Variants in NELL2 observed in about 807,000 individuals in gnomAD.
The protein encoded by NELL2 is neural EGFL like 2.
Under a neutral mutation model 109.6 loss-of-function variants are expected in NELL2, and 41 were observed. The ratio of observed to expected loss-of-function variants is 0.37; its 90% confidence interval spans 0.29 to 0.49. The LOEUF is 0.49. Among genes scored for constraint, NELL2 ranks in the 20% least tolerant of loss-of-function variants. NELL2 has a pLI of 0.98. For synonymous variants in NELL2, 355 were observed against 344.7 expected (o/e 1.03, Z -0.33); for missense variants, 900 against 1,008.3 (o/e 0.89, Z 1.45).
intron 15 of NELL2, among the ~76,000 whole-genome samples, chr12:44,603,160 C>T (rs925585382): frequency 1.3e-5 from 2 of 152,006 alleles, no homozygotes; most frequent in Non-Finnish European, 2.9e-5. Flanking sequence ...TAATTAAAAT[C>T]TCATCTTATG....
At chr12:44,621,134 C>T (rs1028009294) in intron 13 of NELL2, among the ~76,000 whole-genome samples, 3 of 152,214 alleles carry the variant, frequency 2.0e-5, no homozygotes, top group Non-Finnish European at 2.9e-5. Flanking sequence ...ATGTCTTTCA[C>T]GTGTGCCTCC....
At chr12:44,918,821 G>A (rs268038), upstream of NELL2, among the ~76,000 whole-genome samples, 3,686 of 152,092 alleles carry the variant, frequency 0.024, 162 homozygotes, top group African/African-American at 0.084. Flanking sequence ...GTCCTTATTT[G>A]ATAGACAGTA....
intron 12 of NELL2, among the ~76,000 whole-genome samples, chr12:44,676,401 A>G (rs1948319024): frequency 6.6e-6 from 1 of 152,168 alleles, no homozygotes; most frequent in Non-Finnish European, 1.5e-5. Context: ...ATCATTTACA[A>G]ATAAGCTAAC....
At chr12:44,659,263 T>C (rs1409432093) in intron 13 of NELL2, among the ~76,000 whole-genome samples, 1 of 152,088 alleles carries the variant, frequency 6.6e-6, no homozygotes, top group Non-Finnish European at 1.5e-5. Context: ...ACCTAGGCAA[T>C]ACCATTCAGG....
chr12:44,754,463 A>G (rs574680857), intron 9 of NELL2, among the ~76,000 whole-genome samples: 2 of 152,324 alleles, frequency 1.3e-5, no homozygotes, highest in South Asian at 4.1e-4. Flanking sequence ...ATTCAGATAA[A>G]TGCCAAGTAT....
intron 9 of NELL2, among the ~76,000 whole-genome samples, chr12:44,742,199 G>C (rs143040505): frequency 0.026 from 4,027 of 152,244 alleles, 177 homozygotes; most frequent in African/African-American, 0.091. Context: ...CAGGCAAACA[G>C]GGTCTGGAGT....
intron 12 of NELL2, among the ~76,000 whole-genome samples, chr12:44,669,192 A>G (rs895980700): frequency 1.3e-5 from 2 of 152,220 alleles, no homozygotes; most frequent in African/African-American, 2.4e-5. Context: ...CCCAGAATCA[A>G]AGCAAAAGCA....
Position 44,559,087 on chromosome 12 carries a change from G to A in NELL2, c.1664-26366C>T, listed in dbSNP as rs189280878. Among the ~76,000 whole-genome samples, 12 of 152,232 alleles carry A rather than the reference G, an allele frequency of 7.9e-5. No individual in the cohort carries two copies. The East Asian group carries it at 2.1e-3, about 27-fold the overall frequency. On this transcript the variant is annotated intron_variant, in intron 15 of 19. Transcript: ENST00000429094. ...ATTATCTAGCCAAACTAAGCTTCAT[G>A]AGTGAAGGAGAAATAAAATCCTTTA...
intron 1 of NELL2, among the ~76,000 whole-genome samples, chr12:44,896,485 G>T (rs1476817065): frequency 1.3e-5 from 2 of 152,116 alleles, no homozygotes; most frequent in African/African-American, 4.8e-5. Flanking sequence ...CGTGACCGAG[G>T]TGTACACAGG....
intron 13 of NELL2, among the ~76,000 whole-genome samples, chr12:44,635,105 C>A (rs1306298470): frequency 6.6e-6 from 1 of 152,010 alleles, no homozygotes; most frequent in Non-Finnish European, 1.5e-5. Flanking sequence ...TATTCGTATC[C>A]TTTGCCCACT....
At chr12:44,586,486 G>A (rs911584598) in intron 15 of NELL2, among the ~76,000 whole-genome samples, 2 of 151,776 alleles carry the variant, frequency 1.3e-5, no homozygotes, top group African/African-American at 4.8e-5. Context: ...CAAGGCCTCT[G>A]CTCAGAATAA....
At chr12:44,523,699 G>C in intron 16 of NELL2, 1 of 554,056 alleles carries the variant, frequency 1.8e-6, no homozygotes, top group Non-Finnish European at 3.2e-6. Flanking sequence ...AAAAAATCAG[G>C]TAACCTTGGC....
intron 9 of NELL2, among the ~76,000 whole-genome samples, chr12:44,773,250 C>T (rs1333279385): frequency 1.3e-5 from 2 of 152,006 alleles, no homozygotes; most frequent in African/African-American, 4.8e-5. Flanking sequence ...CTGAGGCGGG[C>T]GGATCACGAG....
At chr12:44,850,305 C>A (rs547784595) in intron 2 of NELL2, among the ~76,000 whole-genome samples, 1 of 151,660 alleles carries the variant, frequency 6.6e-6, no homozygotes, top group Non-Finnish European at 1.5e-5. Flanking sequence ...AAAATTCCAG[C>A]AATACAAAAA....
At chr12:44,810,594 C>A (rs1028984047) in intron 3 of NELL2, among the ~76,000 whole-genome samples, 3 of 151,976 alleles carry the variant, frequency 2.0e-5, no homozygotes, top group African/African-American at 7.2e-5. Context: ...GGAATAATTA[C>A]TCATACCATG....
chr12:44,747,185 G>A (rs932696805), intron 9 of NELL2, among the ~76,000 whole-genome samples: 24 of 151,718 alleles, frequency 1.6e-4, no homozygotes, highest in East Asian at 5.8e-4. Context: ...CATTCTCAGC[G>A]AACTATCGCA....
At position 44,869,108 on chromosome 12, in the gene NELL2, A is replaced by C. The variant is rs112721352; in HGVS notation, c.184+6117T>G. 4.5e-3 allele frequency among the ~76,000 whole-genome samples: 691 copies of C among 152,348 alleles called. 4 individuals are homozygous for C. Among genetic ancestry groups the C allele is most frequent in the African/African-American group, 0.015 (635 of 41,580 alleles). ...AAAACAGGTATGAGAAAGGCGCTGC[A>C]TATAATCCATTCTGAGGCACACCTT... On this transcript the variant is annotated intron_variant, in intron 2 of 19. Transcript: ENST00000429094.
chr12:44,614,004 TA>T (rs1945725044), intron 13 of NELL2, among the ~76,000 whole-genome samples: 1 of 152,016 alleles, frequency 6.6e-6, no homozygotes, highest in African/African-American at 2.4e-5. Context: ...TTTAAATCAA[TA>T]TTATGTTCCA....
At chr12:44,898,754 A>G (rs1229583000) in intron 1 of NELL2, among the ~76,000 whole-genome samples, 2 of 152,330 alleles carry the variant, frequency 1.3e-5, no homozygotes, top group East Asian at 3.9e-4. Context: ...ATGGAGAATG[A>G]ATTTGACAAA....
Sources: allele counts gnomAD v4.1 joint callset (sites outside exome capture counted in the v4.1 genomes callset), GRCh38; gene constraint gnomAD v4.1.1; transcripts MANE v1.5; gene names NCBI Gene and HGNC (gene_info 2026-07-23, HGNC 2026-07-21).